The following LZTS1 variants were observed in gnomAD, a reference collection of about 807,000 sequenced individuals.
LZTS1 encodes leucine zipper putative tumor suppressor 1.
A neutral mutation model predicts 45.8 loss-of-function variants in LZTS1; 31 were observed. The ratio of observed to expected loss-of-function variants is 0.68; its 90% CI spans 0.51 to 0.91. The LOEUF (loss-of-function observed/expected upper bound fraction) is 0.91, where lower values mean the gene tolerates loss of function less well. Among genes scored for constraint, LZTS1 ranks in the 40% least tolerant of loss-of-function variants. LZTS1 has a pLI of 0.00. For synonymous variants in LZTS1, 359 were observed against 357.3 expected (o/e 1.00, Z -0.05); for missense variants, 821 against 788.9 (o/e 1.04, Z -0.49).
At chr8:20,282,562 G>GT (rs1030370605) in intron 1 of LZTS1, among the ~76,000 whole-genome samples, 25 of 152,238 alleles carry the variant, frequency 1.6e-4, no homozygotes, top group Admixed American at 1.5e-3. Flanking sequence ...TTGAACTGTA[G>GT]TTTTTCCTTT....
chr8:20,271,415 C>T (rs1303574581), intron 1 of LZTS1, among the ~76,000 whole-genome samples: 1 of 152,184 alleles, frequency 6.6e-6, no homozygotes, highest in Admixed American at 6.5e-5. Context: ...TGTTGACCCC[C>T]AGCTGCCACC....
rs955862699 is a variant in LZTS1 at position 20,303,955 on chromosome 8, G to A, written c.-350C>T. ...CCAACCCGCCAGCTCCAGGCGCGCC[G>A]GCCTCTGCGCGGGTCCCGGAGCCGG... On this transcript the variant is annotated 5_prime_UTR_variant, in exon 1 of 4. Transcript: ENST00000381569. The A allele has an allele frequency of 5.5e-5, 53 of 966,222 alleles. No homozygotes were observed. Among genetic ancestry groups the A allele is most frequent in the Middle Eastern group, 5.2e-4 (1 of 1,914 alleles). The allele number at this position is 966,222 out of a possible 1,614,324, so 59.9% of individuals were successfully genotyped here.
At chr8:20,284,212 T>C (rs1800747154) in intron 1 of LZTS1, among the ~76,000 whole-genome samples, 1 of 152,140 alleles carries the variant, frequency 6.6e-6, no homozygotes, top group African/African-American at 2.4e-5. Flanking sequence ...ACAAACACGC[T>C]TTGAGAAGAG....
Position 20,252,831 on chromosome 8 carries a change from T to C in LZTS1, c.1100A>G (p.Glu367Gly). Residue 367 changes from glutamate to glycine, a missense_variant, in exon 3 of 4, where the codon GAG (glutamate) becomes GGG (glycine). By Grantham distance (98) the Glu-to-Gly change is moderately conservative (BLOSUM62 -2). Transcript: ENST00000381569. ...DLLETKLRSYEREKTSFGPAL... is the reference protein window; with the variant it reads ...DLLETKLRSYGREKTSFGPAL... ...GGGGCCGAAGCTGGTCTTCTCCCTC[T>C]CGTAGGACCTGAGCTTGGTCTCCAG... 1 of 1,560,356 alleles carries C rather than the reference T, an allele frequency of 6.4e-7. No individual in the cohort carries two copies. The highest frequency in any genetic ancestry group is 8.7e-7 in the Non-Finnish European group (1 of 1,153,638).
intron 1 of LZTS1, among the ~76,000 whole-genome samples, chr8:20,302,484 C>A (rs924123168): frequency 6.6e-6 from 1 of 152,186 alleles, no homozygotes; most frequent in African/African-American, 2.4e-5. Flanking sequence ...TGCAAACACC[C>A]TCTTGCCGGT....
rs540957725 is a variant in LZTS1 at position 20,265,185 on chromosome 8, C to T, written c.-134-9870G>A. Among the ~76,000 whole-genome samples, 188 of 152,276 alleles carry T rather than the reference C, an allele frequency of 1.2e-3. 2 individuals are homozygous for T. The highest frequency in any genetic ancestry group is 4.3e-3 in the African/African-American group (180 of 41,562). ...TCTCCTTCCCACTGGGGCGGCATCA[C>T]CAGCCCAGGGTAATTTCTAATCTTA... On this transcript the variant is annotated intron_variant, in intron 1 of 3. Transcript: ENST00000381569.
chr8:20,275,442 G>T (rs1250183357), intron 1 of LZTS1, among the ~76,000 whole-genome samples: 2 of 151,206 alleles, frequency 1.3e-5, no homozygotes, highest in East Asian at 3.9e-4. Flanking sequence ...ATATGGGTTA[G>T]CTCCCAGCCT....
At chr8:20,290,546 C>T (rs1042508927) in intron 1 of LZTS1, 1 of 152,202 alleles carries the variant, frequency 6.6e-6, no homozygotes, top group East Asian at 1.9e-4. Flanking sequence ...TCTCAGCCCA[C>T]CCAGGCTGCC....
Position 20,253,475 on chromosome 8 carries a change from G to A in LZTS1, c.456C>T (p.Ala152=). The change falls in exon 3 of 4, where the codon GCC becomes GCT. Residue 152 remains alanine (A), a synonymous_variant. Coordinates refer to ENST00000381569, the MANE Select transcript of LZTS1 (RefSeq NM_021020.5). ...CCTGCTCCTTGGGCTTGTCTGGAGG[G>A]GCGGGGTGCAGCTGGTGGCTGGCAC... ...PESASHQLHP[A]PPDKPKEQEL... 1 of 1,604,648 alleles carries A rather than the reference G, an allele frequency of 6.2e-7. No individual in the cohort carries two copies. The highest frequency in any genetic ancestry group is 8.5e-7 in the Non-Finnish European group (1 of 1,176,318).
At chr8:20,269,638 G>A (rs998682414) in intron 1 of LZTS1, among the ~76,000 whole-genome samples, 2 of 152,242 alleles carry the variant, frequency 1.3e-5, no homozygotes, top group East Asian at 1.9e-4. Flanking sequence ...GAAACTGAGC[G>A]ATGGCATGCA....
At chr8:20,258,423 A>G (rs1800155478) in intron 1 of LZTS1, among the ~76,000 whole-genome samples, 1 of 152,156 alleles carries the variant, frequency 6.6e-6, no homozygotes, top group African/African-American at 2.4e-5. Flanking sequence ...TTGTGCATGG[A>G]GACTCTGTGA....
intron 3 of LZTS1, among the ~76,000 whole-genome samples, chr8:20,251,349 G>A (rs1265726649): frequency 1.3e-5 from 2 of 151,736 alleles, no homozygotes; most frequent in Non-Finnish European, 2.9e-5. Context: ...GAAATTCTTG[G>A]TCCCAAGCAC....
intron 1 of LZTS1, among the ~76,000 whole-genome samples, chr8:20,256,923 G>A (rs1800117617): frequency 6.6e-6 from 1 of 152,104 alleles, no homozygotes; most frequent in African/African-American, 2.4e-5. Flanking sequence ...CCTGAGGATG[G>A]TTAACATGGA....
chr8:20,270,286 C>G (rs2128895836), intron 1 of LZTS1, among the ~76,000 whole-genome samples: 1 of 152,352 alleles, frequency 6.6e-6, no homozygotes, highest in South Asian at 2.1e-4. Context: ...CACAACAGAG[C>G]AGGAAGGAGG....
chr8:20,283,391 G>C (rs1217605573), intron 1 of LZTS1, among the ~76,000 whole-genome samples: 1 of 152,140 alleles, frequency 6.6e-6, no homozygotes, highest in East Asian at 1.9e-4. Context: ...CTATGAACCA[G>C]AAAGTGGGTC....
At chr8:20,288,679 T>C (rs1800842131) in intron 1 of LZTS1, among the ~76,000 whole-genome samples, 1 of 152,186 alleles carries the variant, frequency 6.6e-6, no homozygotes, top group African/African-American at 2.4e-5. Context: ...ATCGAGCACA[T>C]GGCTCTCCCA....
chr8:20,285,789 A>C (rs1297580586), intron 1 of LZTS1, among the ~76,000 whole-genome samples: 1 of 152,232 alleles, frequency 6.6e-6, no homozygotes, highest in Non-Finnish European at 1.5e-5. Flanking sequence ...GCAAGACTTA[A>C]TGGTAACTAA....
chr8:20,254,712 G>C, intron 2 of LZTS1, 125 bp downstream of exon 2: 1 of 766,850 alleles, frequency 1.3e-6, no homozygotes, highest in East Asian at 2.7e-5. Flanking sequence ...CACCCCTGCC[G>C]CTCTGGTTTT....
chr8:20,290,951 G>A (rs1238512132), intron 1 of LZTS1, among the ~76,000 whole-genome samples: 3 of 152,156 alleles, frequency 2.0e-5, no homozygotes, highest in Non-Finnish European at 4.4e-5. Flanking sequence ...GGTCCTTCCC[G>A]AGGGAGGACA....
Sources: gnomAD v4.1 joint callset for allele counts (sites outside exome capture counted in the v4.1 genomes callset) on GRCh38, gnomAD v4.1.1 for gene constraint, MANE v1.5 for transcripts, NCBI Gene and HGNC (gene_info 2026-07-23, HGNC 2026-07-21) for gene names.